The following EIF2B1 variants were observed in gnomAD, a reference collection of about 807,000 sequenced individuals.
EIF2B1 encodes eukaryotic translation initiation factor 2B subunit alpha, also known as translation initiation factor eIF2B subunit alpha.
In EIF2B1, 30 loss-of-function variants were observed where a neutral mutation model predicts 36.8. The observed-to-expected ratio is 0.81, with a 90% CI of 0.61 to 1.10. The LOEUF (loss-of-function observed/expected upper bound fraction) is 1.10, where lower values mean the gene tolerates loss of function less well. Among genes scored for constraint, EIF2B1 ranks in the 50% least tolerant of loss-of-function variants. The probability of loss-of-function intolerance (pLI) is 0.00; values close to 1 mark genes in which losing one functional copy is unlikely to be tolerated. For synonymous variants in EIF2B1, 139 were observed against 142.2 expected (o/e 0.98, Z 0.16); for missense variants, 271 against 374.8 (o/e 0.72, Z 2.29).
chr12:123,624,748 A>C (rs775127961), intron 7 of EIF2B1, 39 bp downstream of exon 7: 2 of 1,574,610 alleles, frequency 1.3e-6, no homozygotes, highest in Non-Finnish European at 1.7e-6. Context: ...GACACCTCCA[A>C]GTCTTGAGCA....
rs753984869 is a variant in EIF2B1 at position 123,621,806 on chromosome 12, C to T, written c.868G>A (p.Val290Met). 26 of 1,613,998 alleles carry T rather than the reference C, an allele frequency of 1.6e-5. 1 individual carries two copies. Among genetic ancestry groups the T allele is most frequent in the Admixed American group, 3.3e-5 (2 of 60,026 alleles). The change falls in exon 9 of 9, where the codon GTG becomes ATG. Residue 290 changes from valine to methionine, a missense_variant. Coordinates refer to ENST00000424014, the MANE Select transcript of EIF2B1 (RefSeq NM_001414.4). ...LITLLFTDLG[V>M]LTPSAVSDEL... Reference sequence around the variant, plus strand: ...TCGCTGACTGCTGAGGGTGTCAGCACGCCCAGGTCTGTAAACAGCAGAGTG... The same window carrying T: ...TCGCTGACTGCTGAGGGTGTCAGCATGCCCAGGTCTGTAAACAGCAGAGTG...
Position 123,621,733 on chromosome 12 carries a change from C to G in EIF2B1, c.*23G>C. The G allele has an allele frequency of 1.9e-6, 3 of 1,612,976 alleles. No individual in the cohort carries two copies. The African/African-American group carries it at 4.0e-5, about 22-fold the overall frequency. ...CCTGCCTCAACTACGTAAGCTGCAC[C>G]TTGGCAGGAAAGGGCTCACAGGTTA... is the stretch of plus-strand genomic sequence containing the variant. On this transcript the variant is annotated 3_prime_UTR_variant, in exon 9 of 9. Coordinates refer to ENST00000424014, the MANE Select transcript of EIF2B1 (RefSeq NM_001414.4).
At position 123,621,624 on chromosome 12, in the gene EIF2B1, GATTTTA is replaced by G; in HGVS notation, c.*126_*131del. 8.7e-7 allele frequency: 1 copy of G among 1,155,372 alleles called. No homozygotes were observed. Among genetic ancestry groups the G allele is most frequent in the South Asian group, 1.3e-5 (1 of 77,970 alleles). 71.6% of individuals were successfully genotyped at this position (1,155,372 alleles called of 1,614,324 possible). On this transcript the variant is annotated 3_prime_UTR_variant, in exon 9 of 9. Coordinates refer to ENST00000424014, the MANE Select transcript of EIF2B1 (RefSeq NM_001414.4). ...GTAAGAAAGGTTCTCCAAGATGTAT[GATTTTA>G]AGTCCTTACTCCATAAATCTTCATT...
rs1171906748 is a variant in EIF2B1 at position 123,632,428 on chromosome 12, TTAAAG to T, written c.27_31del (p.Tyr9Ter). On this transcript the variant is annotated stop_gained and frameshift_variant, in exon 2 of 9. Transcript: ENST00000424014. LOFTEE classifies it high-confidence loss of function. Reference sequence around the variant, plus strand: ...GTCAGGATCTTCTTTCATCTGAGACTTAAAGTATTCAATTAACTCTGGAAAAAGGG... The same window carrying T: ...GTCAGGATCTTCTTTCATCTGAGACTTATTCAATTAACTCTGGAAAAAGGG... The T allele has an allele frequency of 6.2e-7, 1 of 1,613,168 alleles. No individual in the cohort carries two copies. The highest frequency in any genetic ancestry group is 8.5e-7 in the Non-Finnish European group (1 of 1,179,570).
rs745385760 is a variant in EIF2B1, at chr12:123,627,086, C to G, written c.440G>C (p.Arg147Pro). 1 of 1,614,092 alleles carries G rather than the reference C, an allele frequency of 6.2e-7. No individual in the cohort carries two copies. The highest frequency in any genetic ancestry group is 1.3e-5 in the African/African-American group (1 of 74,928). Residue 147 changes from arginine (R) to proline (P), a missense_variant, in exon 5 of 9, where the codon CGA (arginine) becomes CCA (proline). By Grantham distance (103) the Arg-to-Pro change is moderately radical. Transcript: ENST00000424014. ...VLEAAVAAKKRFSVYVTESQP... is the reference protein window; with the variant it reads ...VLEAAVAAKKPFSVYVTESQP... ...TGACTCTGTGACGTATACACTAAAT[C>G]GCTTCTTGGCCGCCACGGCTGCTTC...
Position 123,621,713 on chromosome 12 carries a change from C to G in EIF2B1, c.*43G>C. The G allele has an allele frequency of 6.2e-7, 1 of 1,612,396 alleles. No individual in the cohort carries two copies. Among genetic ancestry groups the G allele is most frequent in the Non-Finnish European group, 8.5e-7 (1 of 1,179,940 alleles). ...GGTGTCAAGCAGCTACTCACCCTGC[C>G]TCAACTACGTAAGCTGCACCTTGGC... is the stretch of plus-strand genomic sequence containing the variant. On this transcript the variant is annotated 3_prime_UTR_variant, in exon 9 of 9. Transcript: ENST00000424014.
intron 4 of EIF2B1, among the ~76,000 whole-genome samples, chr12:123,627,674 T>C (rs58831452): frequency 0.037 from 5,635 of 152,210 alleles, 269 homozygotes; most frequent in African/African-American, 0.11. Context: ...TGGCAAGACC[T>C]CATCTCTACA....
At chr12:123,625,196 A>G (rs1474140787) in intron 6 of EIF2B1, among the ~76,000 whole-genome samples, 1 of 152,116 alleles carries the variant, frequency 6.6e-6, no homozygotes, top group African/African-American at 2.4e-5. Flanking sequence ...CACAAACCAA[A>G]CAAAATTTTA....
rs1566213982 is a variant in EIF2B1, at chr12:123,622,768, A to G, written c.628-7T>C. 2 of 1,613,670 alleles carry G rather than the reference A, an allele frequency of 1.2e-6. No homozygotes were observed. Among genetic ancestry groups the G allele is most frequent in the Non-Finnish European group, 1.7e-6 (2 of 1,179,698 alleles). On this transcript the variant is annotated splice_polypyrimidine_tract_variant and splice_region_variant and intron_variant, in intron 7 of 8. Transcript: ENST00000424014. ...CCATCTGGTTGGTTCCAATCTGGGAAGGCAGAAAATGGAATGGATGAGCTC... is the reference window on the plus strand; with the variant it reads ...CCATCTGGTTGGTTCCAATCTGGGAGGGCAGAAAATGGAATGGATGAGCTC...
intron 1 of EIF2B1, among the ~76,000 whole-genome samples, chr12:123,633,142 A>G (rs1282891065): frequency 6.7e-6 from 1 of 150,164 alleles, no homozygotes; most frequent in African/African-American, 2.5e-5. Context: ...ATACACATAT[A>G]TGTTACAAAT....
intron 6 of EIF2B1, 35 bp from the exon 7 acceptor site, chr12:123,624,897 C>A: frequency 6.3e-7 from 1 of 1,586,586 alleles, no homozygotes; most frequent in Non-Finnish European, 8.7e-7. Context: ...GCTTTATTTT[C>A]TTGGCTCTAA....
Position 123,630,032 on chromosome 12 carries a change from T to G in EIF2B1, c.369+137A>C. On this transcript the variant is annotated intron_variant, in intron 4 of 8. Transcript: ENST00000424014. This position sits in a 1 kb window ranked among gnomAD's most constrained non-coding sequence, Gnocchi z 4.6. The stretch of plus-strand genomic sequence containing the variant: ...ACTATTGTCATCCTTATTTAACAGA[T>G]GAGAAAGCTGCACAGACAGGTTAAG... The G allele has an allele frequency of 1.0e-4, 82 of 792,988 alleles. No homozygotes were observed. The highest frequency in any genetic ancestry group is 2.2e-4 in the Middle Eastern group (1 of 4,502). The allele number at this position is 792,988 out of a possible 1,614,324, so 49.1% of individuals were successfully genotyped here.
rs373919394 is a variant in EIF2B1 at position 123,622,609 on chromosome 12, A to T, written c.753+27T>A. On this transcript the variant is annotated intron_variant, in intron 8 of 8. Coordinates refer to ENST00000424014, the MANE Select transcript of EIF2B1 (RefSeq NM_001414.4). ...CAAAGGTTTCTGTTTAGACTTTAGTACCCCTTCAAATATGTAAAACTCTTG... is the reference window on the plus strand; with the variant it reads ...CAAAGGTTTCTGTTTAGACTTTAGTTCCCCTTCAAATATGTAAAACTCTTG... The T allele has an allele frequency of 8.9e-5, 144 of 1,613,652 alleles. No homozygotes were observed. The African/African-American group carries it at 1.7e-3, about 19-fold the overall frequency.
At chr12:123,629,988 A>G (rs1955175880) in intron 4 of EIF2B1, 181 bp downstream of exon 4, 1 of 670,506 alleles carries the variant, frequency 1.5e-6, no homozygotes, top group Non-Finnish European at 2.7e-6. Flanking sequence ...AATCCTCACA[A>G]CAACCCAAGG....
chr12:123,621,789 T>G lies in EIF2B1; in HGVS notation c.885A>C (p.Ala295=), dbSNP rs756084880. 3.7e-6 allele frequency: 6 copies of G among 1,613,910 alleles called. No individual in the cohort carries two copies. In the Admixed American group the frequency reaches 8.3e-5, roughly 22 times the overall value. Residue 295 remains alanine (A), a synonymous_variant, in exon 9 of 9, where the codon GCA becomes GCC. Transcript: ENST00000424014. ...FTDLGVLTPS[A]VSDELIKLYL The stretch of plus-strand genomic sequence containing the variant: ...AGAGCTTGATGAGCTCATCGCTGAC[T>G]GCTGAGGGTGTCAGCACGCCCAGGT...
At chr12:123,631,976 A>G (rs1241296616) in intron 2 of EIF2B1, among the ~76,000 whole-genome samples, 1 of 147,608 alleles carries the variant, frequency 6.8e-6, no homozygotes, top group Admixed American at 6.8e-5. Context: ...CTCTGTCTCA[A>G]AAAAAACAAA....
chr12:123,630,146 C>T lies in EIF2B1; in HGVS notation c.369+23G>A, dbSNP rs778778741. ...ACTCGAAACCGTTGCTCCTCCTTAC[C>T]ACCATGATGATTATCCACTCACCGC... On this transcript the variant is annotated intron_variant, in intron 4 of 8. Coordinates refer to ENST00000424014, the MANE Select transcript of EIF2B1 (RefSeq NM_001414.4). This position sits in a 1 kb window ranked among gnomAD's most constrained non-coding sequence, Gnocchi z 4.6. 11 of 1,606,866 alleles carry T rather than the reference C, an allele frequency of 6.8e-6. No homozygotes were observed. Among genetic ancestry groups the T allele is most frequent in the Non-Finnish European group, 8.5e-6 (10 of 1,174,222 alleles).
At position 123,622,737 on chromosome 12, in the gene EIF2B1, A is replaced by G. The variant is rs747705213; in HGVS notation, c.652T>C (p.Cys218Arg). The G allele has an allele frequency of 1.2e-6, 2 of 1,614,120 alleles. No individual in the cohort carries two copies. Among genetic ancestry groups the G allele is most frequent in the East Asian group, 2.2e-5 (1 of 44,882 alleles). Residue 218 changes from cysteine (C) to arginine (R), a missense_variant, in exon 8 of 9, where the codon TGT (cysteine) becomes CGT (arginine). By Grantham distance (180) the Cys-to-Arg change is radical. Coordinates refer to ENST00000424014, the MANE Select transcript of EIF2B1 (RefSeq NM_001414.4). The stretch of plus-strand genomic sequence containing the variant: ...AAAGGTTTGTTCTGTGCTTTGGCAC[A>G]CACAGCCATCTGGTTGGTTCCAATC... The part of the protein sequence containing the change: ...NKIGTNQMAV[C>R]AKAQNKPFYV...
At chr12:123,622,539 T>C in intron 8 of EIF2B1, 97 bp downstream of exon 8, 1 of 1,527,522 alleles carries the variant, frequency 6.5e-7, no homozygotes, top group Non-Finnish European at 9.0e-7. Flanking sequence ...AAAGTAGCAA[T>C]AGGAAGTGAA....
Sources: allele counts gnomAD v4.1 joint callset (sites outside exome capture counted in the v4.1 genomes callset), GRCh38; gene constraint gnomAD v4.1.1; non-coding constraint Gnocchi (gnomAD v3.1); transcripts MANE v1.5; gene names NCBI Gene and HGNC (gene_info 2026-07-23, HGNC 2026-07-21).